Variants in MTR observed in about 807,000 individuals in gnomAD.
MTR encodes 5-methyltetrahydrofolate-homocysteine methyltransferase.
In MTR, 84 loss-of-function variants were observed where a neutral mutation model predicts 154.8. That is an observed-to-expected ratio of 0.54 (90% CI 0.45 to 0.65). MTR has a LOEUF of 0.65. MTR is among the 30% of genes least tolerant of loss of function. The pLI is 0.00. For synonymous variants in MTR, 554 were observed against 553.9 expected, an observed-to-expected ratio of 1.00 and a Z score of 0.00; for missense variants, 1,275 against 1,570.2, an observed-to-expected ratio of 0.81 and a Z score of 3.18.
intron 22 of MTR, among the ~76,000 whole-genome samples, chr1:236,866,074 A>G (rs1210268551): frequency 1.3e-5 from 2 of 152,178 alleles, no homozygotes; most frequent in Non-Finnish European, 2.9e-5. Flanking sequence ...AACAAGTATA[A>G]TGTCTAATAT....
intron 3 of MTR, among the ~76,000 whole-genome samples, chr1:236,808,219 G>C (rs931252742): frequency 6.6e-6 from 1 of 152,106 alleles, no homozygotes; most frequent in Non-Finnish European, 1.5e-5. Flanking sequence ...CAAATTCTCA[G>C]GTGGTTAATA....
chr1:236,845,463 C>T (rs1279382528), intron 15 of MTR, among the ~76,000 whole-genome samples: 1 of 152,138 alleles, frequency 6.6e-6, no homozygotes, highest in Non-Finnish European at 1.5e-5. Context: ...TAAACTGGTA[C>T]AGTCCTATTG....
In MTR at chr1:236,795,411, T is replaced by C. The variant is rs1301083614; in HGVS notation, c.-293T>C. 6.9e-7 allele frequency: 1 copy of C among 1,456,702 alleles called. No homozygotes were observed. The highest frequency in any genetic ancestry group is 9.1e-7 in the Non-Finnish European group (1 of 1,095,884). 90.2% of individuals were successfully genotyped at this position (1,456,702 alleles called of 1,614,324 possible). On this transcript the variant is annotated 5_prime_UTR_variant, in exon 1 of 33. Transcript: ENST00000366577. ...TTCCGTGCCGTCCCGCGACTCCGCC[T>C]CTGGCCGCGCGTGTCTGGCTGCTAG...
intron 12 of MTR, 96 bp downstream of exon 12, chr1:236,829,364 T>A: frequency 9.8e-7 from 1 of 1,024,066 alleles, no homozygotes; most frequent in Non-Finnish European, 1.5e-6. Context: ...GCAGCTTGCT[T>A]ATTAGGTCGA....
At chr1:236,799,466 T>A (rs1660585405) in intron 1 of MTR, among the ~76,000 whole-genome samples, 1 of 152,182 alleles carries the variant, frequency 6.6e-6, no homozygotes, top group Non-Finnish European at 1.5e-5. Flanking sequence ...AGGAGTTTTT[T>A]ATTCAGGCTG....
intron 15 of MTR, among the ~76,000 whole-genome samples, chr1:236,846,821 T>G (rs1265464989): frequency 6.6e-6 from 1 of 152,216 alleles, no homozygotes; most frequent in Non-Finnish European, 1.5e-5. Context: ...CCCTTCCTAC[T>G]TGTCAGTGTC....
chr1:236,818,679 T>C (rs1171991487), intron 8 of MTR, among the ~76,000 whole-genome samples: 4 of 152,260 alleles, frequency 2.6e-5, no homozygotes, highest in Admixed American at 2.0e-4. Context: ...GTGAAAAGGA[T>C]ACATTTTCTT....
chr1:236,885,517 C>T (rs535722022), intron 26 of MTR, among the ~76,000 whole-genome samples: 3 of 152,258 alleles, frequency 2.0e-5, no homozygotes, highest in African/African-American at 7.2e-5. Flanking sequence ...TGAGTTCATA[C>T]TCAGCAGGGA....
intron 5 of MTR, among the ~76,000 whole-genome samples, chr1:236,810,847 G>T (rs1338680593): frequency 2.6e-5 from 4 of 152,182 alleles, no homozygotes; most frequent in Non-Finnish European, 1.5e-5. Flanking sequence ...TTTGTCAGCT[G>T]TGGAAATAAA....
At chr1:236,854,342 A>C (rs971509980) in intron 18 of MTR, among the ~76,000 whole-genome samples, 1 of 152,216 alleles carries the variant, frequency 6.6e-6, no homozygotes, top group Non-Finnish European at 1.5e-5. Context: ...ATGTGGACCC[A>C]GGACAGAATG....
chr1:236,861,114 G>GGGCATTGAAAAACATATTTT lies in MTR; in HGVS notation c.2044-11_2044-10insGGCATTGAAAAACATATTTT. 1 of 541,860 alleles carries GGGCATTGAAAAACATATTTT rather than the reference G, an allele frequency of 1.8e-6. No homozygotes were observed. Among genetic ancestry groups the GGGCATTGAAAAACATATTTT allele is most frequent in the Non-Finnish European group, 2.6e-6 (1 of 384,630 alleles). The allele number at this position is 541,860 out of a possible 1,614,324, so 33.6% of individuals were successfully genotyped here. On this transcript the variant is annotated splice_polypyrimidine_tract_variant and intron_variant, in intron 19 of 32. Coordinates refer to ENST00000366577, the MANE Select transcript of MTR (RefSeq NM_000254.3). ...TTCTTTTTCTTTTTTTTTTTTTTTT[G>GGGCATTGAAAAACATATTTT]TCTTTTTTAGGGCATTGAAAAACAT... is the stretch of plus-strand genomic sequence containing the variant.
chr1:236,889,455 A>G (rs1055605266), intron 28 of MTR, 119 bp downstream of exon 28: 80 of 1,387,362 alleles, frequency 5.8e-5, no homozygotes, highest in Non-Finnish European at 7.7e-5. Flanking sequence ...GGCTGCTTTC[A>G]TATTGCTCAC....
rs4659746 is a variant in MTR at position 236,902,026 on chromosome 1, C to T, written c.*4382C>T. 86,479 of 152,128 alleles carry T rather than the reference C, an allele frequency of 0.57. 24,961 individuals are homozygous for T. Among genetic ancestry groups the T allele is most frequent in the South Asian group, 0.61 (2,932 of 4,812 alleles). The allele number at this position is 152,128 out of a possible 1,614,324, so 9.4% of individuals were successfully genotyped here. On this transcript the variant is annotated 3_prime_UTR_variant, in exon 33 of 33. Transcript: ENST00000366577. ...TGGATTCATCTGCAACACAGGCTGCCGGGTTGGTTCCCACCTCCTAGAGCT... is the reference window on the plus strand; with the variant it reads ...TGGATTCATCTGCAACACAGGCTGCTGGGTTGGTTCCCACCTCCTAGAGCT...
At chr1:236,806,320 G>C in intron 3 of MTR, 87 bp downstream of exon 3, 1 of 1,026,148 alleles carries the variant, frequency 9.7e-7, no homozygotes, top group Non-Finnish European at 1.5e-6. Context: ...ACTGGAAGCT[G>C]CAGAGTCAAG....
intron 4 of MTR, among the ~76,000 whole-genome samples, chr1:236,810,070 T>C (rs1332751331): frequency 6.6e-6 from 1 of 152,184 alleles, no homozygotes. Flanking sequence ...TTCATAAAAA[T>C]AGGAAGAGAG....
At chr1:236,874,679 C>T (rs1665329521) in intron 23 of MTR, 47 bp from the exon 24 acceptor site, 2 of 1,454,638 alleles carry the variant, frequency 1.4e-6, no homozygotes, top group East Asian at 2.5e-5. Flanking sequence ...CTTTCATCTT[C>T]CTCACTGTCC....
chr1:236,880,657 C>A, intron 24 of MTR, 98 bp from the exon 25 acceptor site: 1 of 964,114 alleles, frequency 1.0e-6, no homozygotes, highest in Non-Finnish European at 1.7e-6. Context: ...CTCTGGAAAG[C>A]ACTGTAGAAA....
chr1:236,869,262 GTATGAGATGC>G (rs2103344273), intron 22 of MTR, among the ~76,000 whole-genome samples: 1 of 152,340 alleles, frequency 6.6e-6, no homozygotes, highest in South Asian at 2.1e-4. Flanking sequence ...TTCTTAAATA[GTATGAGATGC>G]CTTTGCTAAA....
intron 10 of MTR, among the ~76,000 whole-genome samples, chr1:236,826,373 T>C (rs1268953602): frequency 6.6e-6 from 1 of 152,168 alleles, no homozygotes. Context: ...CATAGCTTAC[T>C]GTAGCTTTGA....
Sources: allele counts gnomAD v4.1 joint callset (sites outside exome capture counted in the v4.1 genomes callset), GRCh38; gene constraint gnomAD v4.1.1; transcripts MANE v1.5; gene names NCBI Gene and HGNC (gene_info 2026-07-23, HGNC 2026-07-21).